ABCC1: variants seen among roughly 807,000 people sequenced by gnomAD.
ABCC1 encodes the protein multidrug resistance-associated protein 1.
In ABCC1, 83 loss-of-function variants were observed where a neutral mutation model predicts 172.9. The ratio of observed to expected loss-of-function variants is 0.48; its 90% CI spans 0.40 to 0.58. The LOEUF (loss-of-function observed/expected upper bound fraction) is 0.58. Among genes scored for constraint, ABCC1 ranks in the 20% least tolerant of loss-of-function variants. The pLI, the probability that ABCC1 is intolerant of heterozygous loss-of-function variation, is 0.00. For synonymous variants in ABCC1, 937 were observed against 825.2 expected, an observed-to-expected ratio of 1.14 and a Z score of -2.32; for missense variants, 1,817 against 2,002.7, an observed-to-expected ratio of 0.91 and a Z score of 1.77.
chr16:16,008,730 C>A (rs1156492853), intron 2 of ABCC1, among the ~76,000 whole-genome samples: 1 of 150,540 alleles, frequency 6.6e-6, no homozygotes, highest in East Asian at 2.0e-4. Context: ...GTAATCTTAG[C>A]AACTTGGGAG....
chr16:16,023,857 G>C (rs540267070), intron 5 of ABCC1, among the ~76,000 whole-genome samples: 5 of 152,250 alleles, frequency 3.3e-5, no homozygotes, highest in African/African-American at 1.2e-4. Flanking sequence ...GGGTGCTCCT[G>C]GTAGAGCAAC....
At chr16:16,098,751 A>G in intron 19 of ABCC1, 3 of 858,452 alleles carry the variant, frequency 3.5e-6, no homozygotes, top group Non-Finnish European at 5.2e-6. Context: ...CAGACCCTTC[A>G]GCCATTCTTG....
intron 1 of ABCC1, among the ~76,000 whole-genome samples, chr16:15,952,337 G>C (rs981528004): frequency 5.3e-5 from 8 of 152,088 alleles, no homozygotes; most frequent in African/African-American, 1.9e-4. Context: ...GCTGTGAAAA[G>C]GCAGTGAGGC....
chr16:16,064,401 C>A (rs1021404403), intron 12 of ABCC1, among the ~76,000 whole-genome samples: 5 of 152,184 alleles, frequency 3.3e-5, no homozygotes, highest in African/African-American at 9.6e-5. Flanking sequence ...GGTTGCCAAG[C>A]CCACCTCAGT....
chr16:16,068,844 A>G (rs1180737791), intron 13 of ABCC1, among the ~76,000 whole-genome samples: 4 of 151,830 alleles, frequency 2.6e-5, no homozygotes, highest in Non-Finnish European at 4.4e-5. Context: ...AAAATTAGCC[A>G]GGTGTGGTGG....
chr16:15,953,594 T>A (rs1220194865), intron 1 of ABCC1, among the ~76,000 whole-genome samples: 2 of 152,136 alleles, frequency 1.3e-5, no homozygotes, highest in African/African-American at 4.8e-5. Flanking sequence ...CACACAGCGC[T>A]CAGTAAAGAT....
At chr16:16,117,045 T>C (rs1209932581) in intron 23 of ABCC1, among the ~76,000 whole-genome samples, 2 of 152,140 alleles carry the variant, frequency 1.3e-5, no homozygotes, top group Non-Finnish European at 2.9e-5. Flanking sequence ...ATCACACTAC[T>C]CAGAAGGGTG....
At chr16:16,026,938 T>C (rs2048396616) in intron 5 of ABCC1, among the ~76,000 whole-genome samples, 1 of 151,928 alleles carries the variant, frequency 6.6e-6, no homozygotes, top group African/African-American at 2.4e-5. Flanking sequence ...AACAAAAAAC[T>C]GTGCAGTGTT....
At chr16:16,127,947 T>A (rs1173638558) in intron 26 of ABCC1, among the ~76,000 whole-genome samples, 1 of 150,808 alleles carries the variant, frequency 6.6e-6, no homozygotes, top group Non-Finnish European at 1.5e-5. Flanking sequence ...AGATGGAATT[T>A]GGCTTTTTTT....
chr16:16,059,675 C>T (rs368278748), intron 12 of ABCC1, among the ~76,000 whole-genome samples: 11 of 151,842 alleles, frequency 7.2e-5, no homozygotes, highest in African/African-American at 1.5e-4. Flanking sequence ...AGTGGTGGTG[C>T]GCACCTGTGG....
intron 6 of ABCC1, among the ~76,000 whole-genome samples, chr16:16,035,717 A>T (rs2048728427): frequency 6.7e-6 from 1 of 149,018 alleles, no homozygotes; most frequent in African/African-American, 2.5e-5. Flanking sequence ...CTGGTCTTGA[A>T]CTCCAGGGCT....
intron 5 of ABCC1, among the ~76,000 whole-genome samples, chr16:16,026,333 A>G (rs1257621426): frequency 6.8e-6 from 1 of 147,018 alleles, no homozygotes; most frequent in African/African-American, 2.5e-5. Context: ...ATGTGGCAGG[A>G]TGAGGCAGGA....
chr16:15,979,248 A>G (rs901722797), intron 1 of ABCC1, among the ~76,000 whole-genome samples: 3 of 152,022 alleles, frequency 2.0e-5, no homozygotes, highest in African/African-American at 4.8e-5. Flanking sequence ...CTGAGATTGC[A>G]CTACTGCACT....
At chr16:16,098,085 T>A (rs979312217) in intron 19 of ABCC1, 4 of 152,456 alleles carry the variant, frequency 2.6e-5, no homozygotes, top group Non-Finnish European at 4.4e-5. Flanking sequence ...ATATCTGGGC[T>A]AAGTCACCTT....
At chr16:16,068,413 C>T in intron 13 of ABCC1, 111 bp downstream of exon 13, 2 of 1,271,360 alleles carry the variant, frequency 1.6e-6, no homozygotes, top group Admixed American at 1.9e-5. Flanking sequence ...CGGTCGGGCT[C>T]CATGAGGCCC....
Position 16,122,134 on chromosome 16 carries a change from G to A in ABCC1, c.3550G>A (p.Glu1184Lys), listed in dbSNP as rs2045194430. ...FIHQSDLKVD[E>K]NQKAYYPSIV... Reference sequence around the variant, plus strand: ...CCACCAGAGTGACCTGAAGGTGGACGAGAACCAGAAGGCCTATTACCCCAG... The same window carrying A: ...CCACCAGAGTGACCTGAAGGTGGACAAGAACCAGAAGGCCTATTACCCCAG... Residue 1184 changes from glutamate (E) to lysine (K), a missense_variant, in exon 24 of 31, where the codon GAG becomes AAG. Around this residue, in one of 3 missense-constraint regions of ABCC1, gnomAD observed 1,412 missense variants for 1,600.3 expected, o/e 0.88. Transcript: ENST00000399410. 9 of 1,614,216 alleles carry A rather than the reference G, an allele frequency of 5.6e-6. No homozygotes were observed. The East Asian group carries it at 1.3e-4, about 24-fold the overall frequency.
At chr16:15,959,698 C>T (rs149395116) in intron 1 of ABCC1, among the ~76,000 whole-genome samples, 124 of 152,270 alleles carry the variant, frequency 8.1e-4, no homozygotes, top group African/African-American at 2.7e-3. Flanking sequence ...GAGAAGTGGA[C>T]GATTACAAAG....
chr16:16,099,621 C>T (rs2051636101), intron 19 of ABCC1, among the ~76,000 whole-genome samples: 1 of 152,202 alleles, frequency 6.6e-6, no homozygotes, highest in South Asian at 2.1e-4. Flanking sequence ...GACAGGTGAA[C>T]TTGAACTGTC....
intron 1 of ABCC1, among the ~76,000 whole-genome samples, chr16:15,952,877 C>CAAAAAAAAAA (rs770433015): frequency 9.7e-6 from 1 of 102,978 alleles, no homozygotes; most frequent in Non-Finnish European, 2.1e-5. Context: ...CTAATAATAC[C>CAAAAAAAAAA]AAAAAAAAAA....
Sources: gnomAD v4.1 joint callset for allele counts (sites outside exome capture counted in the v4.1 genomes callset) on GRCh38, gnomAD v4.1.1 for gene constraint, gnomAD v4.1.1 regional missense constraint, MANE v1.5 for transcripts, NCBI Gene and HGNC (gene_info 2026-07-23, HGNC 2026-07-21) for gene names.